RUNX1T1: variants seen among roughly 807,000 people sequenced by gnomAD.
RUNX1T1 encodes RUNX1 partner transcriptional co-repressor 1.
A neutral mutation model predicts 62.8 loss-of-function variants in RUNX1T1; 4 were observed. That is an observed-to-expected ratio of 0.06 (90% CI 0.03 to 0.15). The LOEUF is 0.15. RUNX1T1 is among the 10% of genes least tolerant of loss of function. RUNX1T1 has a pLI of 1.00. For synonymous variants in RUNX1T1, 291 were observed against 286.0 expected (o/e 1.02, Z -0.18); for missense variants, 508 against 754.3 (o/e 0.67, Z 3.82).
intron 9 of RUNX1T1, among the ~76,000 whole-genome samples, chr8:91,973,278 AGG>A (rs1259306652): frequency 6.6e-6 from 1 of 152,040 alleles, no homozygotes; most frequent in South Asian, 2.1e-4. Context: ...AGAGGATGAA[AGG>A]GAGGAAAAGA....
intron 9 of RUNX1T1, among the ~76,000 whole-genome samples, chr8:91,973,534 A>C (rs1813292700): frequency 6.6e-6 from 1 of 152,020 alleles, no homozygotes; most frequent in South Asian, 2.1e-4. Context: ...TGTATTTTTC[A>C]AATACTTTAT....
intron 9 of RUNX1T1, among the ~76,000 whole-genome samples, chr8:91,974,316 C>T (rs1010643713): frequency 6.6e-6 from 1 of 152,096 alleles, no homozygotes; most frequent in Non-Finnish European, 1.5e-5. Context: ...AACAAAGGTG[C>T]TATATTCAGA....
chr8:92,075,835 A>G (rs1563909360), intron 2 of RUNX1T1, 130 bp downstream of exon 2: 1 of 786,100 alleles, frequency 1.3e-6, no homozygotes, highest in Non-Finnish European at 1.9e-6. Context: ...TTTAAAACAT[A>G]CAATAGAACA....
intron 5 of RUNX1T1, 117 bp downstream of exon 6, chr8:92,004,999 A>G: frequency 1.2e-6 from 1 of 855,178 alleles, no homozygotes; most frequent in South Asian, 1.9e-5. Context: ...ACAATGGCTT[A>G]TTGCTATTGT....
At chr8:92,062,712 G>C (rs1563878538) in exon 1 of RUNX1T1, 7 of 1,579,612 alleles carry the variant, frequency 4.4e-6, no homozygotes, top group Non-Finnish European at 6.1e-6. Flanking sequence ...GCGTGCGCCT[G>C]CCAGGCAGAG....
chr8:92,076,046 A>C, exon 2 of RUNX1T1: 1 of 1,610,360 alleles, frequency 6.2e-7, no homozygotes, highest in Non-Finnish European at 8.5e-7. Context: ...CTTTTGACAG[A>C]TATCATTCTC....
chr8:92,096,843 T>C (rs1469172568), intron 1 of RUNX1T1, among the ~76,000 whole-genome samples: 2 of 152,094 alleles, frequency 1.3e-5, no homozygotes, highest in Non-Finnish European at 2.9e-5. Context: ...AACTAGCCCC[T>C]GCCTTTTAAG....
chr8:92,052,107 A>T (rs1279548877), intron 1 of RUNX1T1, among the ~76,000 whole-genome samples: 1 of 152,220 alleles, frequency 6.6e-6, no homozygotes, highest in Non-Finnish European at 1.5e-5. Context: ...GAACAACAGA[A>T]GATATGGGAG....
intron 5 of RUNX1T1, among the ~76,000 whole-genome samples, chr8:92,002,043 C>T (rs532398452): frequency 3.3e-5 from 5 of 152,152 alleles, no homozygotes; most frequent in South Asian, 4.1e-4. Flanking sequence ...CCAAAACAAA[C>T]GATCACATTC....
intron 10 of RUNX1T1, among the ~76,000 whole-genome samples, chr8:91,961,196 A>G (rs1810376093): frequency 6.6e-6 from 1 of 152,232 alleles, no homozygotes; most frequent in Non-Finnish European, 1.5e-5. Flanking sequence ...TTCTCCCTGT[A>G]TCTGAAGCAC....
chr8:92,033,771 AC>A (rs1212631429), intron 1 of RUNX1T1, among the ~76,000 whole-genome samples: 1 of 152,148 alleles, frequency 6.6e-6, no homozygotes, highest in Non-Finnish European at 1.5e-5. Context: ...GGAGTTCAAG[AC>A]CAGCCTGGCC....
At chr8:91,969,924 C>T (rs1312216312) in intron 10 of RUNX1T1, among the ~76,000 whole-genome samples, 2 of 151,798 alleles carry the variant, frequency 1.3e-5, no homozygotes, top group Admixed American at 6.6e-5. Flanking sequence ...TGGAGCATTA[C>T]TATTCTGCTG....
At chr8:92,016,984 A>G (rs1021675258) in intron 2 of RUNX1T1, among the ~76,000 whole-genome samples, 1 of 152,322 alleles carries the variant, frequency 6.6e-6, no homozygotes, top group East Asian at 1.9e-4. Flanking sequence ...AAATCATAGC[A>G]GACTGCAACT....
chr8:91,992,293 A>T (rs1167831151), intron 5 of RUNX1T1, among the ~76,000 whole-genome samples: 1 of 152,208 alleles, frequency 6.6e-6, no homozygotes, highest in Non-Finnish European at 1.5e-5. Context: ...TCTCTTGATG[A>T]ACACTTAAGG....
chr8:91,962,247 C>G (rs1187397210), intron 10 of RUNX1T1, among the ~76,000 whole-genome samples: 1 of 151,960 alleles, frequency 6.6e-6, no homozygotes, highest in Non-Finnish European at 1.5e-5. Context: ...CTATGTTGAG[C>G]AGAAAAGCTC....
chr8:92,038,008 T>A lies in RUNX1T1; in HGVS notation c.8-20645A>T, dbSNP rs79342029. Among the ~76,000 whole-genome samples the A allele has an allele frequency of 5.5e-4, 83 of 151,958 alleles. 1 individual carries two copies. The East Asian group carries it at 0.015, about 28-fold the overall frequency. ...TATCTCATGGAGAATTTTCACCCCT[T>A]TGTTTCCTTCCCAATACTTACACAA... On this transcript the variant is annotated intron_variant, in intron 1 of 10. Transcript: ENST00000396218.
intron 10 of RUNX1T1, among the ~76,000 whole-genome samples, chr8:91,969,133 C>G (rs1160185011): frequency 6.6e-6 from 1 of 151,758 alleles, no homozygotes; most frequent in Non-Finnish European, 1.5e-5. Context: ...GTAGATATGA[C>G]TGAATAACCT....
intron 2 of RUNX1T1, among the ~76,000 whole-genome samples, chr8:92,074,363 C>T (rs968086273): frequency 2.0e-5 from 3 of 152,096 alleles, no homozygotes; most frequent in Admixed American, 1.3e-4. Flanking sequence ...TGATGGAATG[C>T]GAGTGGGTAA....
chr8:92,006,844 C>T (rs1004481968), intron 4 of RUNX1T1: 2 of 152,058 alleles, frequency 1.3e-5, no homozygotes, highest in Admixed American at 1.3e-4. Context: ...ACCAACCGCC[C>T]TCAAGTCAGT....
Sources: gnomAD v4.1 joint callset for allele counts (sites outside exome capture counted in the v4.1 genomes callset) on GRCh38, gnomAD v4.1.1 for gene constraint, MANE v1.5 for transcripts, NCBI Gene and HGNC (gene_info 2026-07-23, HGNC 2026-07-21) for gene names.